The following MAPK4 variants were observed in gnomAD, a reference collection of about 807,000 sequenced individuals.
MAPK4 encodes Erk3-related.
A neutral mutation model predicts 47.7 loss-of-function variants in MAPK4; 22 were observed. The observed-to-expected ratio is 0.46, with a 90% CI of 0.33 to 0.66. The LOEUF (loss-of-function observed/expected upper bound fraction) is 0.66, where lower values mean the gene tolerates loss of function less well. Among genes scored for constraint, MAPK4 ranks in the 30% least tolerant of loss-of-function variants. The pLI is 0.02. For synonymous variants in MAPK4, 390 were observed against 365.7 expected, an observed-to-expected ratio of 1.07 and a Z score of -0.76; for missense variants, 736 against 831.7, an observed-to-expected ratio of 0.88 and a Z score of 1.42.
chr18:50,634,982 C>A (rs2042870739), intron 1 of MAPK4, among the ~76,000 whole-genome samples: 2 of 152,220 alleles, frequency 1.3e-5, no homozygotes, highest in African/African-American at 2.4e-5. Flanking sequence ...GACCAATCAA[C>A]TGAGACTCTC....
At chr18:50,724,507 C>T (rs1017618252) in intron 4 of MAPK4, among the ~76,000 whole-genome samples, 1 of 152,260 alleles carries the variant, frequency 6.6e-6, no homozygotes, top group African/African-American at 2.4e-5. Context: ...CTGGGCCCCG[C>T]ACTAGACTGG....
chr18:50,682,390 T>A (rs57464717), intron 2 of MAPK4, among the ~76,000 whole-genome samples: 4,592 of 152,194 alleles, frequency 0.03, 199 homozygotes, highest in African/African-American at 0.096. Context: ...ATAAATAATA[T>A]CAATTCTACA....
intron 2 of MAPK4, chr18:50,669,718 G>C (rs1380001303): frequency 6.6e-6 from 1 of 152,234 alleles, no homozygotes; most frequent in Non-Finnish European, 1.5e-5. Context: ...TCTTGCAGCA[G>C]TACTTCTAAA....
chr18:50,674,861 G>A (rs1237466785), intron 2 of MAPK4, among the ~76,000 whole-genome samples: 1 of 152,120 alleles, frequency 6.6e-6, no homozygotes, highest in African/African-American at 2.4e-5. Context: ...TTCATTCAAT[G>A]CTAATTGGCT....
At position 50,730,359 on chromosome 18, in the gene MAPK4, T is replaced by G. The variant is rs1911496744; in HGVS notation, c.*505T>G. On this transcript the variant is annotated 3_prime_UTR_variant, in exon 6 of 6. Coordinates refer to ENST00000400384, the MANE Select transcript of MAPK4 (RefSeq NM_002747.4). Reference sequence around the variant, plus strand: ...AGGGTCTGTCCACCATAGAATGTCTTCCTCTACTGGGGTCGTTCTGGCTTT... The same window carrying G: ...AGGGTCTGTCCACCATAGAATGTCTGCCTCTACTGGGGTCGTTCTGGCTTT... The G allele has an allele frequency of 6.5e-6, 1 of 153,334 alleles. No homozygotes were observed. Among genetic ancestry groups the G allele is most frequent in the South Asian group, 2.1e-4 (1 of 4,842 alleles). 9.5% of individuals were successfully genotyped at this position (153,334 alleles called of 1,614,324 possible). A position where few individuals can be genotyped will look rare whatever the true frequency, so the allele number is the denominator to read the frequency against.
chr18:50,703,930 C>A (rs1406397617), intron 2 of MAPK4, among the ~76,000 whole-genome samples: 1 of 152,136 alleles, frequency 6.6e-6, no homozygotes, highest in African/African-American at 2.4e-5. Flanking sequence ...ACTCCTGCAC[C>A]CAGACAGGCA....
intron 2 of MAPK4, among the ~76,000 whole-genome samples, chr18:50,673,884 T>A (rs1230437980): frequency 1.3e-5 from 2 of 152,020 alleles, no homozygotes; most frequent in Non-Finnish European, 2.9e-5. Flanking sequence ...GAATTTACCA[T>A]TTTTTTTCAA....
At chr18:50,658,151 T>C (rs2043131697) in intron 1 of MAPK4, among the ~76,000 whole-genome samples, 1 of 152,190 alleles carries the variant, frequency 6.6e-6, no homozygotes, top group Non-Finnish European at 1.5e-5. Flanking sequence ...ACATTCTATT[T>C]CTTGGTTTCT....
chr18:50,706,815 C>T (rs1910083001), intron 2 of MAPK4, among the ~76,000 whole-genome samples: 1 of 152,156 alleles, frequency 6.6e-6, no homozygotes, highest in Non-Finnish European at 1.5e-5. Context: ...CACCTCTCTA[C>T]CCAGCCCAGC....
intron 3 of MAPK4, among the ~76,000 whole-genome samples, chr18:50,717,789 C>T (rs1372391691): frequency 6.6e-6 from 1 of 152,164 alleles, no homozygotes; most frequent in African/African-American, 2.4e-5. Context: ...GTAGAGTGAC[C>T]ACATATGGGC....
chr18:50,701,347 T>A (rs1368686594), intron 2 of MAPK4, among the ~76,000 whole-genome samples: 1 of 152,208 alleles, frequency 6.6e-6, no homozygotes, highest in East Asian at 1.9e-4. Flanking sequence ...GTCATGTGTT[T>A]TTGTAATATT....
At chr18:50,655,420 CT>C (rs991629082) in intron 1 of MAPK4, among the ~76,000 whole-genome samples, 1 of 151,650 alleles carries the variant, frequency 6.6e-6, no homozygotes, top group Non-Finnish European at 1.5e-5. Flanking sequence ...GGCATAGGGA[CT>C]GTAGCCCAAG....
chr18:50,689,404 TAAAAAAA>T (rs34978159), intron 2 of MAPK4, among the ~76,000 whole-genome samples: 2 of 84,850 alleles, frequency 2.4e-5, no homozygotes, highest in South Asian at 4.2e-4. Flanking sequence ...AACTCCATCT[TAAAAAAA>T]AAAAAAAAAA....
At chr18:50,577,455 A>T (rs2042308126) in intron 1 of MAPK4, among the ~76,000 whole-genome samples, 1 of 152,204 alleles carries the variant, frequency 6.6e-6, no homozygotes, top group Non-Finnish European at 1.5e-5. Flanking sequence ...GTCTCACTCC[A>T]GAGACTAGGG....
intron 2 of MAPK4, among the ~76,000 whole-genome samples, chr18:50,707,982 T>C (rs962136408): frequency 1.3e-5 from 2 of 152,230 alleles, no homozygotes; most frequent in African/African-American, 2.4e-5. Flanking sequence ...GTGCAGCTGA[T>C]TTAGCCAAAC....
intron 3 of MAPK4, among the ~76,000 whole-genome samples, chr18:50,720,452 C>T (rs2144464556): frequency 6.6e-6 from 1 of 152,256 alleles, no homozygotes; most frequent in African/African-American, 2.4e-5. Context: ...GCCACCAAAG[C>T]TCTTGCTTTC....
chr18:50,638,047 G>A (rs1415951537), intron 1 of MAPK4, among the ~76,000 whole-genome samples: 1 of 152,206 alleles, frequency 6.6e-6, no homozygotes, highest in Non-Finnish European at 1.5e-5. Context: ...CATCATGCAT[G>A]TAAAGGTCCT....
At chr18:50,643,141 G>T (rs577889914) in intron 1 of MAPK4, among the ~76,000 whole-genome samples, 4 of 152,122 alleles carry the variant, frequency 2.6e-5, no homozygotes, top group Non-Finnish European at 5.9e-5. Context: ...TTTACATGTT[G>T]TTTGTGACAT....
At chr18:50,676,039 A>G (rs974030675) in intron 2 of MAPK4, among the ~76,000 whole-genome samples, 1 of 152,224 alleles carries the variant, frequency 6.6e-6, no homozygotes, top group African/African-American at 2.4e-5. Flanking sequence ...GTCTTTCGGT[A>G]GCCAGGTTGC....
Sources: allele counts gnomAD v4.1 joint callset (sites outside exome capture counted in the v4.1 genomes callset), GRCh38; gene constraint gnomAD v4.1.1; transcripts MANE v1.5; gene names NCBI Gene and HGNC (gene_info 2026-07-23, HGNC 2026-07-21).